Variants in DNAH5 observed in about 807,000 individuals in gnomAD.
DNAH5 encodes the protein dynein axonemal heavy chain 5.
A neutral mutation model predicts 518.2 loss-of-function variants in DNAH5; 372 were observed. The ratio of observed to expected loss-of-function variants is 0.72; its 90% CI spans 0.66 to 0.78. The LOEUF (loss-of-function observed/expected upper bound fraction) is 0.78, where lower values mean the gene tolerates loss of function less well. Among genes scored for constraint, DNAH5 ranks in the 30% least tolerant of loss-of-function variants. The pLI, the probability that DNAH5 is intolerant of heterozygous loss-of-function variation, is 0.00. For synonymous variants in DNAH5, 2,039 were observed against 2,025.9 expected (o/e 1.01, Z -0.17); for missense variants, 5,523 against 5,687.0 (o/e 0.97, Z 0.93).
intron 17 of DNAH5, among the ~76,000 whole-genome samples, chr5:13,887,040 A>C (rs1440482033): frequency 6.6e-6 from 1 of 152,204 alleles, no homozygotes. Context: ...ATTCCATGTA[A>C]ACTAACTCCT....
chr5:13,701,313 G>T lies in DNAH5; in HGVS notation c.13462C>A (p.Pro4488Thr), dbSNP rs113425437. The change falls in exon 77 of 79, where the codon CCC becomes ACC. Residue 4488 changes from proline to threonine, a missense_variant. This residue lies in a region of DNAH5 where 387 missense variants were observed against 430.0 expected (regional missense o/e 0.90). Transcript: ENST00000265104. ...HCFWMTGFFN[P>T]QGFLTAMRQE... ...CGCATTGCAGTTAAAAATCCCTGGGGGTTAAAAAAACCCGTCATCCAAAAG... is the reference window on the plus strand; with the variant it reads ...CGCATTGCAGTTAAAAATCCCTGGGTGTTAAAAAAACCCGTCATCCAAAAG... 11,032 of 1,613,832 alleles carry T rather than the reference G, an allele frequency of 6.8e-3. 634 individuals are homozygous for T. The African/African-American group carries it at 0.13, about 19-fold the overall frequency.
intron 35 of DNAH5, among the ~76,000 whole-genome samples, chr5:13,833,597 G>T (rs1038101098): frequency 1.3e-5 from 2 of 152,140 alleles, no homozygotes; most frequent in Admixed American, 1.3e-4. Flanking sequence ...GGGAATGAGG[G>T]AGGTTAGGTG....
intron 30 of DNAH5, among the ~76,000 whole-genome samples, chr5:13,852,507 C>T (rs1228300177): frequency 6.6e-6 from 1 of 152,076 alleles, no homozygotes; most frequent in Non-Finnish European, 1.5e-5. Context: ...ACCTGGGATG[C>T]CACTGAGGCA....
intron 1 of DNAH5, among the ~76,000 whole-genome samples, chr5:13,985,851 C>T (rs551868381): frequency 6.6e-6 from 1 of 152,322 alleles, no homozygotes; most frequent in Admixed American, 6.5e-5. Flanking sequence ...AGCTCCCTAA[C>T]CCTGTCCACA....
At chr5:13,755,401 T>G (rs1403322291) in intron 61 of DNAH5, among the ~76,000 whole-genome samples, 1 of 152,180 alleles carries the variant, frequency 6.6e-6, no homozygotes, top group Non-Finnish European at 1.5e-5. Flanking sequence ...TCACAATATA[T>G]TGTTAAAAAT....
chr5:13,988,874 C>G (rs183157069), intron 1 of DNAH5, among the ~76,000 whole-genome samples: 1,871 of 151,886 alleles, frequency 0.012, 30 homozygotes, highest in African/African-American at 0.043. Context: ...TTACAGGTGC[C>G]TGCCACTATG....
At chr5:13,794,775 C>T (rs1351006815) in intron 47 of DNAH5, among the ~76,000 whole-genome samples, 1 of 152,022 alleles carries the variant, frequency 6.6e-6, no homozygotes, top group African/African-American at 2.4e-5. Flanking sequence ...ACCATCCTGG[C>T]TAACACGGTG....
chr5:13,949,215 C>CT (rs1429137650), upstream of DNAH5, among the ~76,000 whole-genome samples: 2 of 152,156 alleles, frequency 1.3e-5, no homozygotes, highest in Non-Finnish European at 2.9e-5. Context: ...AGCTCTAATT[C>CT]TTTACTTTTC....
chr5:13,808,969 C>G, intron 46 of DNAH5, 75 bp downstream of exon 46: 1 of 1,563,178 alleles, frequency 6.4e-7, no homozygotes, highest in Non-Finnish European at 8.8e-7. Flanking sequence ...CAGTAAATAA[C>G]TAAATAAATA....
chr5:13,695,332 G>C (rs1741225073), intron 78 of DNAH5, among the ~76,000 whole-genome samples: 1 of 152,262 alleles, frequency 6.6e-6, no homozygotes, highest in South Asian at 2.1e-4. Context: ...TATACGGAGG[G>C]AGAGCACCAT....
intron 1 of DNAH5, among the ~76,000 whole-genome samples, chr5:13,959,089 G>A (rs1780971121): frequency 6.6e-6 from 1 of 152,206 alleles, no homozygotes; most frequent in Admixed American, 6.5e-5. Context: ...TAGAATTACA[G>A]GCATGTGCCA....
Position 13,753,544 on chromosome 5 carries a change from C to T in DNAH5, c.10561G>A (p.Val3521Ile). Residue 3521 changes from valine (V) to isoleucine (I), a missense_variant, in exon 63 of 79, where the codon GTA becomes ATA. Around this residue, in one of 3 missense-constraint regions of DNAH5, gnomAD observed 5,121 missense variants for 5,223.3 expected, o/e 0.98. Transcript: ENST00000265104. ...AAQTKRLVGD[V>I]LLATAFLSYS... ...GATAGAAAAGCTGTAGCCAACAGTA[C>T]ATCCCCTAAAATAGAAAACAAACAC... 6.2e-7 allele frequency: 1 copy of T among 1,612,920 alleles called. No individual in the cohort carries two copies. Among genetic ancestry groups the T allele is most frequent in the Non-Finnish European group, 8.5e-7 (1 of 1,179,336 alleles).
In DNAH5 at chr5:13,870,857, C is replaced by T. The variant is rs1561475610; in HGVS notation, c.3744G>A (p.Lys1248=). 6.2e-7 allele frequency: 1 copy of T among 1,613,818 alleles called. No individual in the cohort carries two copies. The highest frequency in any genetic ancestry group is 2.2e-5 in the East Asian group (1 of 44,872). Residue 1248 remains lysine, a synonymous_variant, in exon 24 of 79, where the codon AAG becomes AAA. Transcript: ENST00000265104. The stretch of plus-strand genomic sequence containing the variant: ...TTGCAATCCGAATATCATCTAGGTC[C>T]TTAATTGGACGATTTAGTTTCTTAT... ...EFNKKLNRPI[K]DLDDIRIAMA... is the part of the protein sequence containing the mutation.
chr5:13,843,873 A>G (rs1176604001), intron 32 of DNAH5, among the ~76,000 whole-genome samples: 1 of 152,256 alleles, frequency 6.6e-6, no homozygotes, highest in African/African-American at 2.4e-5. Flanking sequence ...AATGAAGCAC[A>G]ATAATAACAA....
At position 13,698,714 on chromosome 5, in the gene DNAH5, T is replaced by C. The variant is rs568456159; in HGVS notation, c.13723+1926A>G. On this transcript the variant is annotated intron_variant, in intron 78 of 78. Transcript: ENST00000265104. ...AATAGGAAAAAGTACCCCCCAAAAA[T>C]TGAAAAACATAGTACTAAAGAGACA... 1.8e-4 allele frequency among the ~76,000 whole-genome samples: 28 copies of C among 152,192 alleles called. No individual in the cohort carries two copies. The Middle Eastern group carries it at 0.01, about 55-fold the overall frequency.
intron 35 of DNAH5, among the ~76,000 whole-genome samples, chr5:13,837,143 A>G (rs1222107400): frequency 1.3e-5 from 2 of 152,272 alleles, no homozygotes; most frequent in African/African-American, 4.8e-5. Context: ...GACCCACGTC[A>G]GACTTCTGAT....
In DNAH5 at chr5:13,882,799, C is replaced by A. The variant is rs1326140025; in HGVS notation, c.3191G>T (p.Arg1064Ile). Residue 1064 changes from arginine to isoleucine, a missense_variant, in exon 21 of 79, where the codon AGA becomes ATA. This residue lies in a region of DNAH5 where 5,121 missense variants were observed against 5,223.3 expected (regional missense o/e 0.98). Transcript: ENST00000265104. The part of the protein sequence containing the change: ...ELLSKKKIQE[R>I]KMAALQSNED... ...ATTACTCTGCAAAGCAGCCATTTTT[C>A]TTTCTTGTATCTTTTTCTACAATGT... The A allele has an allele frequency of 6.2e-7, 1 of 1,613,952 alleles. No homozygotes were observed. The highest frequency in any genetic ancestry group is 2.2e-5 in the East Asian group (1 of 44,894).
At chr5:13,952,463 A>G (rs897491006) in intron 1 of DNAH5, among the ~76,000 whole-genome samples, 2 of 152,202 alleles carry the variant, frequency 1.3e-5, no homozygotes, top group Non-Finnish European at 2.9e-5. Flanking sequence ...CCCCAGAAAG[A>G]GAGCACTTGG....
Position 13,901,255 on chromosome 5 carries a change from C to G in DNAH5, c.2049G>C (p.Arg683=). The part of the protein sequence containing the change: ...FEVLFHRAWL[R]QIEEIHVGLE... Reference sequence around the variant, plus strand: ...GAGTATAAATTTAGGGACTCACTTGCCGAAGCCACGCCCTGTGGAAGAGGA... The same window carrying G: ...GAGTATAAATTTAGGGACTCACTTGGCGAAGCCACGCCCTGTGGAAGAGGA... The change falls in exon 14 of 79, where the codon CGG becomes CGC. Residue 683 remains arginine, a synonymous_variant. Transcript: ENST00000265104. 2 of 1,613,496 alleles carry G rather than the reference C, an allele frequency of 1.2e-6. No homozygotes were observed. The highest frequency in any genetic ancestry group is 2.2e-5 in the East Asian group (1 of 44,870).
Sources: allele counts gnomAD v4.1 joint callset (sites outside exome capture counted in the v4.1 genomes callset), GRCh38; gene constraint gnomAD v4.1.1; regional missense constraint gnomAD v4.1.1; transcripts MANE v1.5; gene names NCBI Gene and HGNC (gene_info 2026-07-23, HGNC 2026-07-21).